Variants in XIST observed in about 807,000 individuals in gnomAD.
XIST encodes the protein X inactive specific transcript (non-protein coding).
exon 1 of XIST, chrX:73,847,150 T>C: frequency 3.6e-6 from 2 of 557,438 alleles, no homozygotes; most frequent in Middle Eastern, 3.1e-4. Context: ...GGTCCTTACA[T>C]GGTAAAAAAG....
At chrX:73,843,889 G>C in exon 1 of XIST, 1 of 557,864 alleles carries the variant, frequency 1.8e-6, no homozygotes, top group African/African-American at 2.2e-5. Context: ...AAGGTGATGG[G>C]GTATGACCTT....
chrX:73,829,492 T>C (rs1470186209), intron 4 of XIST: 3 of 226,130 alleles, frequency 1.3e-5, no homozygotes, highest in Middle Eastern at 1.4e-3. Context: ...CCTTATACCT[T>C]AGTTAAAGAC....
At chrX:73,847,630 G>C (rs745789334) in exon 1 of XIST, 57 of 514,527 alleles carry the variant, frequency 1.1e-4, no homozygotes, top group South Asian at 1.2e-4. Flanking sequence ...CTAGATATTA[G>C]CTTGATATAA....
exon 1 of XIST, chrX:73,843,069 C>T (rs1275797834): frequency 1.8e-6 from 1 of 556,010 alleles, no homozygotes; most frequent in African/African-American, 2.2e-5. Context: ...TTTATTATGC[C>T]ATGGGAAACT....
exon 1 of XIST, chrX:73,847,256 C>A (rs771869135): frequency 3.6e-6 from 2 of 556,757 alleles, no homozygotes; most frequent in East Asian, 6.5e-5. Flanking sequence ...AGCAAGGAAG[C>A]GGGATTCTAC....
chrX:73,824,979 T>C lies in XIST; in HGVS notation n.14922A>G, dbSNP rs777989375. On this transcript the variant is annotated non_coding_transcript_exon_variant, in exon 6 of 6. Coordinates refer to ENST00000429829, the Ensembl canonical transcript of XIST. ...GTAAGAGGCACTTAATATTCATTCA[T>C]CCATTCATTCATTCATAAATATGTA... 1.2e-4 allele frequency: 62 copies of C among 517,953 alleles called. No individual in the cohort carries two copies. The Admixed American group carries it at 1.5e-3, about 13-fold the overall frequency. 42.7% of individuals were successfully genotyped at this position (517,953 alleles called of 1,213,427 possible).
exon 1 of XIST, chrX:73,849,808 G>A: frequency 1.9e-6 from 1 of 516,316 alleles, no homozygotes; most frequent in Non-Finnish European, 3.5e-6. Context: ...GAGAGAAGCT[G>A]GGCGGGACTG....
chrX:73,831,714 C>A (rs1922388271), intron 3 of XIST, among the ~76,000 whole-genome samples: 1 of 111,635 alleles, frequency 9.0e-6, no homozygotes, highest in Non-Finnish European at 1.9e-5. Context: ...CATGAAGCCA[C>A]ACAGAAAAGG....
chrX:73,832,054 G>T (rs1306624285), intron 3 of XIST, among the ~76,000 whole-genome samples: 1 of 112,279 alleles, frequency 8.9e-6, no homozygotes, highest in Non-Finnish European at 1.9e-5. Flanking sequence ...ACAACAGCTG[G>T]CCAGGCGTGG....
exon 6 of XIST, chrX:73,821,756 T>A (rs749887659): frequency 7.2e-5 from 37 of 513,224 alleles, no homozygotes; most frequent in South Asian, 4.6e-4. Context: ...AGAGAAATTT[T>A]AAAAAAATTT....
At position 73,824,239 on chromosome X, in the gene XIST, G is replaced by A. The variant is rs1027493050; in HGVS notation, n.15662C>T. 4 of 515,085 alleles carry A rather than the reference G, an allele frequency of 7.8e-6. No individual in the cohort carries two copies. In the South Asian group the frequency reaches 9.8e-5, roughly 13 times the overall value. The allele number at this position is 515,085 out of a possible 1,213,427, so 42.4% of individuals were successfully genotyped here. A position where few individuals can be genotyped will look rare whatever the true frequency, so the allele number is the denominator to read the frequency against. On this transcript the variant is annotated non_coding_transcript_exon_variant, in exon 6 of 6. Transcript: ENST00000429829. ...GCACACAATAGATAACTACTATAGT[G>A]GCATTCTTCAGACAACCAATCCCTT...
chrX:73,841,203 T>C (rs1171072589), intron 1 of XIST: 1 of 336,169 alleles, frequency 3.0e-6, no homozygotes, highest in African/African-American at 2.7e-5. Flanking sequence ...TTAACTCACA[T>C]ATGTGTATTT....
exon 1 of XIST, chrX:73,850,037 A>T (rs965720119): frequency 8.9e-6 from 5 of 559,061 alleles, no homozygotes; most frequent in Non-Finnish European, 1.6e-5. Flanking sequence ...CAGCAATTCA[A>T]GTTTCCTGTC....
chrX:73,847,082 T>C lies in XIST; in HGVS notation n.5642A>G, dbSNP rs763940628. The C allele has an allele frequency of 2.0e-5, 11 of 557,926 alleles. No individual in the cohort carries two copies. In the African/African-American group the frequency reaches 2.4e-4, roughly 12 times the overall value. The allele number at this position is 557,926 out of a possible 1,213,427, so 46.0% of individuals were successfully genotyped here. A position where few individuals can be genotyped will look rare whatever the true frequency, so the allele number is the denominator to read the frequency against. ...CTAAGATTATGCACGCTAACTTTAC[T>C]AGTCTAAGGGTCTTAAGTAGTAGGT... On this transcript the variant is annotated non_coding_transcript_exon_variant, in exon 1 of 6. Transcript: ENST00000429829.
chrX:73,841,215 T>C (rs1022765919), intron 1 of XIST: 3 of 348,451 alleles, frequency 8.6e-6, no homozygotes, highest in Non-Finnish European at 1.5e-5. Flanking sequence ...TGTGTATTTA[T>C]GCATGTATGT....
At chrX:73,842,610 T>C (rs369679704) in exon 1 of XIST, 32 of 556,041 alleles carry the variant, frequency 5.8e-5, no homozygotes, top group Non-Finnish European at 9.7e-5. Context: ...GGCTGAAAAA[T>C]GGGACAATCA....
At chrX:73,835,815 T>C (rs1922473093) in intron 2 of XIST, among the ~76,000 whole-genome samples, 1 of 111,801 alleles carries the variant, frequency 8.9e-6, no homozygotes, top group Admixed American at 9.6e-5. Flanking sequence ...AGAAACACTG[T>C]CTCAAACTAA....
chrX:73,851,242 T>C (rs1227196851), exon 1 of XIST: 2 of 558,946 alleles, frequency 3.6e-6, no homozygotes, highest in Non-Finnish European at 6.5e-6. Context: ...CGCCATGATG[T>C]CCACGTGACA....
At chrX:73,830,851 G>A (rs760162863) in intron 4 of XIST, among the ~76,000 whole-genome samples, 11 of 111,435 alleles carry the variant, frequency 9.9e-5, no homozygotes, top group Non-Finnish European at 1.9e-4. Context: ...CCAAACACCC[G>A]AACACATGCA....
Sources: allele counts gnomAD v4.1 joint callset (sites outside exome capture counted in the v4.1 genomes callset), GRCh38; gene constraint gnomAD v4.1.1; transcripts MANE v1.5; gene names NCBI Gene and HGNC (gene_info 2026-07-23, HGNC 2026-07-21).